ETV6: variants seen among roughly 807,000 people sequenced by gnomAD.
The protein encoded by ETV6 is transcription factor ETV6.
A neutral mutation model predicts 51.1 loss-of-function variants in ETV6; 16 were observed. The observed-to-expected ratio is 0.31, with a 90% confidence interval of 0.21 to 0.48. The LOEUF is 0.48. Among genes scored for constraint, ETV6 ranks in the 20% least tolerant of loss-of-function variants. The pLI is 0.99. For synonymous variants in ETV6, 240 were observed against 224.1 expected (o/e 1.07, Z -0.64); for missense variants, 458 against 594.8 (o/e 0.77, Z 2.39).
At chr12:11,715,884 A>G (rs933901176) in intron 1 of ETV6, among the ~76,000 whole-genome samples, 3 of 152,248 alleles carry the variant, frequency 2.0e-5, no homozygotes, top group Admixed American at 1.3e-4. Flanking sequence ...TAGGTTTCTT[A>G]TAATAATCAA....
At chr12:11,705,675 TAAA>T (rs1865061386) in intron 1 of ETV6, among the ~76,000 whole-genome samples, 1 of 152,156 alleles carries the variant, frequency 6.6e-6, no homozygotes, top group Non-Finnish European at 1.5e-5. Flanking sequence ...GAAAACATAA[TAAA>T]AACAGCACAT....
intron 2 of ETV6, among the ~76,000 whole-genome samples, chr12:11,804,935 A>G (rs1203348295): frequency 6.6e-6 from 1 of 152,160 alleles, no homozygotes; most frequent in African/African-American, 2.4e-5. Context: ...GAGTCAATAT[A>G]TGATGGCACT....
intron 4 of ETV6, among the ~76,000 whole-genome samples, chr12:11,868,519 C>A (rs954707164): frequency 2.0e-5 from 3 of 149,002 alleles, no homozygotes; most frequent in Non-Finnish European, 4.4e-5. Context: ...CTCGCTGCAA[C>A]CTCCACCTCC....
At chr12:11,757,553 C>T (rs1217755233) in intron 2 of ETV6, among the ~76,000 whole-genome samples, 1 of 152,190 alleles carries the variant, frequency 6.6e-6, no homozygotes, top group Admixed American at 6.5e-5. Flanking sequence ...GAAGCAGGTG[C>T]TATTGATTCT....
chr12:11,681,398 A>G (rs1167033246), intron 1 of ETV6, among the ~76,000 whole-genome samples: 1 of 152,204 alleles, frequency 6.6e-6, no homozygotes, highest in African/African-American at 2.4e-5. Flanking sequence ...ACAGAAGTTC[A>G]GTGACTTCCA....
Position 11,708,786 on chromosome 12 carries a change from C to T in ETV6, c.34-43664C>T, listed in dbSNP as rs578174757. 3.9e-5 allele frequency among the ~76,000 whole-genome samples: 6 copies of T among 152,278 alleles called. 1 individual carries two copies. The highest frequency in any genetic ancestry group is 7.2e-5 in the African/African-American group (3 of 41,546). On this transcript the variant is annotated intron_variant, in intron 1 of 7. Coordinates refer to ENST00000396373, the MANE Select transcript of ETV6 (RefSeq NM_001987.5). The stretch of plus-strand genomic sequence containing the variant: ...TGGTTTATTTTTGTTATTCCTACCC[C>T]GACTCATCTTGCTTTTCAGCCATCA...
At chr12:11,874,465 C>T (rs144602173) in intron 5 of ETV6, among the ~76,000 whole-genome samples, 5,839 of 131,454 alleles carry the variant, frequency 0.044, 2,536 homozygotes, top group Non-Finnish European at 0.072. Context: ...TGTATATATA[C>T]ACACACACGT....
In ETV6 at chr12:11,856,010, A is replaced by T. The variant is rs16907411; in HGVS notation, c.463+2449A>T. On this transcript the variant is annotated intron_variant, in intron 4 of 7. Transcript: ENST00000396373. ...TCTGTCTCTTAGTCTTTCTCTCATTATTTTTTTTGTTAATCTCATTTGGAA... is the reference window on the plus strand; with the variant it reads ...TCTGTCTCTTAGTCTTTCTCTCATTTTTTTTTTTGTTAATCTCATTTGGAA... 2.2e-3 allele frequency among the ~76,000 whole-genome samples: 339 copies of T among 151,740 alleles called. 1 individual carries two copies. The highest frequency in any genetic ancestry group is 7.3e-3 in the African/African-American group (302 of 41,382).
chr12:11,768,891 C>A, intron 2 of ETV6: 1 of 471,128 alleles, frequency 2.1e-6, no homozygotes. Flanking sequence ...CCTCTTTCTC[C>A]TTGTGAAATT....
At chr12:11,768,748 C>T (rs761618026) in intron 2 of ETV6, among the ~76,000 whole-genome samples, 2 of 152,182 alleles carry the variant, frequency 1.3e-5, no homozygotes, top group Non-Finnish European at 2.9e-5. Flanking sequence ...TGAAAGAGAG[C>T]CTGTTCTAGT....
At chr12:11,821,338 C>T (rs1946078131) in intron 2 of ETV6, among the ~76,000 whole-genome samples, 1 of 152,004 alleles carries the variant, frequency 6.6e-6, no homozygotes, top group Non-Finnish European at 1.5e-5. Flanking sequence ...TGCACTCCAG[C>T]CTGGGCAACA....
At chr12:11,793,525 C>T (rs534493804) in intron 2 of ETV6, among the ~76,000 whole-genome samples, 2 of 152,300 alleles carry the variant, frequency 1.3e-5, no homozygotes, top group East Asian at 3.9e-4. Flanking sequence ...TGTTTGGGGG[C>T]CACTAGGAGA....
chr12:11,811,285 G>A (rs922809000), intron 2 of ETV6, among the ~76,000 whole-genome samples: 2 of 152,210 alleles, frequency 1.3e-5, no homozygotes, highest in Non-Finnish European at 2.9e-5. Flanking sequence ...GCAATCAATA[G>A]GAAAAGGAAA....
intron 2 of ETV6, among the ~76,000 whole-genome samples, chr12:11,823,055 G>C (rs1486668444): frequency 6.6e-6 from 1 of 152,174 alleles, no homozygotes; most frequent in African/African-American, 2.4e-5. Context: ...TGAGAAAGGA[G>C]GCTGCCACAA....
At chr12:11,688,289 C>A (rs1319929979) in intron 1 of ETV6, among the ~76,000 whole-genome samples, 4 of 152,114 alleles carry the variant, frequency 2.6e-5, no homozygotes, top group African/African-American at 9.7e-5. Context: ...CCTTTAGCCC[C>A]CGTTAAAGGC....
At chr12:11,706,019 A>G (rs938046910) in intron 1 of ETV6, among the ~76,000 whole-genome samples, 13 of 152,186 alleles carry the variant, frequency 8.5e-5, no homozygotes, top group African/African-American at 3.1e-4. Flanking sequence ...GATGGTTTTC[A>G]AATCTTTGGA....
At position 11,794,556 on chromosome 12, in the gene ETV6, A is replaced by G. The variant is rs544549208; in HGVS notation, c.163+41977A>G. 9.8e-5 allele frequency among the ~76,000 whole-genome samples: 15 copies of G among 152,334 alleles called. No individual in the cohort carries two copies. In the South Asian group the frequency reaches 2.7e-3, roughly 27 times the overall value. ...GGAATCAAGGGAGAGATACTCAGTG[A>G]GCAGAGAGGTCAGCTTGACGCAAGA... On this transcript the variant is annotated intron_variant, in intron 2 of 7. Transcript: ENST00000396373.
chr12:11,839,725 T>A (rs1204435676), intron 3 of ETV6, among the ~76,000 whole-genome samples: 2 of 152,042 alleles, frequency 1.3e-5, no homozygotes, highest in Admixed American at 6.6e-5. Context: ...ACAGAAATTT[T>A]AAAAATTAGC....
At position 11,811,311 on chromosome 12, in the gene ETV6, G is replaced by A. The variant is rs75936271; in HGVS notation, c.164-27829G>A. ...GAAAAGGAAAGGCTGTTTAGCAAAG[G>A]CCAGTGATAATTCCAAGAAGCAGTG... On this transcript the variant is annotated intron_variant, in intron 2 of 7. Coordinates refer to ENST00000396373, the MANE Select transcript of ETV6 (RefSeq NM_001987.5). 3.9e-3 allele frequency among the ~76,000 whole-genome samples: 591 copies of A among 152,298 alleles called. 6 individuals are homozygous for A. Among genetic ancestry groups the A allele is most frequent in the African/African-American group, 0.014 (566 of 41,570 alleles).
Sources: gnomAD v4.1 joint callset for allele counts (sites outside exome capture counted in the v4.1 genomes callset) on GRCh38, gnomAD v4.1.1 for gene constraint, MANE v1.5 for transcripts, NCBI Gene and HGNC (gene_info 2026-07-23, HGNC 2026-07-21) for gene names.